The following RABL2B variants were observed in gnomAD, a reference collection of about 807,000 sequenced individuals.
The protein encoded by RABL2B is rab-like protein 2B.
RABL2B carries 17 observed loss-of-function variants against 26.7 expected under a neutral mutation model. The observed-to-expected ratio is 0.64, with a 90% CI of 0.44 to 0.95. The LOEUF (loss-of-function observed/expected upper bound fraction) is 0.95, where lower values mean the gene tolerates loss of function less well. Among genes scored for constraint, RABL2B ranks in the 40% least tolerant of loss-of-function variants. The pLI, the probability that RABL2B is intolerant of heterozygous loss-of-function variation, is 0.00. For missense variants in RABL2B, 170 were observed against 277.2 expected, an observed-to-expected ratio of 0.61 and a Z score of 2.75; for synonymous variants, 70 against 103.9, an observed-to-expected ratio of 0.67 and a Z score of 1.99.
chr22:50,769,197 G>C, intron 7 of RABL2B, 73 bp from the exon 8 acceptor site: 1 of 592,722 alleles, frequency 1.7e-6, no homozygotes, highest in Non-Finnish European at 2.9e-6. Flanking sequence ...GCCCCACTGT[G>C]AGACTACACA....
In RABL2B at chr22:50,781,704, C is replaced by T. The variant is rs550632443; in HGVS notation, c.107+484G>A. On this transcript the variant is annotated intron_variant, in intron 2 of 8. Transcript: ENST00000691320. ...GCAGCACGGCAGAGCCTCCCTTCACCTCTCCGGGTGGCACGTAGGCACCGA... is the reference window on the plus strand; with the variant it reads ...GCAGCACGGCAGAGCCTCCCTTCACTTCTCCGGGTGGCACGTAGGCACCGA... Among the ~76,000 whole-genome samples, 4 of 152,290 alleles carry T rather than the reference C, an allele frequency of 2.6e-5. No homozygotes were observed. In the East Asian group the frequency reaches 5.8e-4, roughly 22 times the overall value.
At chr22:50,780,026 T>C (rs2085557721) in intron 2 of RABL2B, among the ~76,000 whole-genome samples, 1 of 151,972 alleles carries the variant, frequency 6.6e-6, no homozygotes, top group Non-Finnish European at 1.5e-5. Context: ...TATGATCACC[T>C]GGGGTCAAAA....
intron 7 of RABL2B, 118 bp downstream of exon 7, chr22:50,769,337 C>A: frequency 4.4e-6 from 7 of 1,608,216 alleles, no homozygotes; most frequent in Non-Finnish European, 5.1e-6. Context: ...CCCTGCCACC[C>A]ATGCCCATGC....
intron 4 of RABL2B, among the ~76,000 whole-genome samples, chr22:50,776,264 T>C (rs1315457329): frequency 6.6e-6 from 1 of 152,184 alleles, no homozygotes; most frequent in Non-Finnish European, 1.5e-5. Flanking sequence ...TATGACCCGA[T>C]GGAAGGTCGC....
chr22:50,776,337 C>T (rs535696355), intron 4 of RABL2B, among the ~76,000 whole-genome samples: 2 of 152,310 alleles, frequency 1.3e-5, no homozygotes, highest in South Asian at 4.1e-4. Context: ...GAGTAACAAC[C>T]CCTGAAGCTA....
At chr22:50,777,891 C>T (rs1555925510) in intron 3 of RABL2B, 61 bp downstream of exon 3, 21 of 1,613,318 alleles carry the variant, frequency 1.3e-5, no homozygotes, top group Middle Eastern at 3.3e-4. Flanking sequence ...CAGTGGGACA[C>T]TGATACATGA....
intron 7 of RABL2B, 145 bp from the exon 8 acceptor site, chr22:50,769,269 C>G (rs2083781288): frequency 1.8e-5 from 13 of 711,304 alleles, no homozygotes; most frequent in Non-Finnish European, 3.1e-5. Context: ...TCACCCTGAC[C>G]TATGTATGGT....
At chr22:50,780,978 A>T (rs2085739502) in intron 2 of RABL2B, among the ~76,000 whole-genome samples, 1 of 152,148 alleles carries the variant, frequency 6.6e-6, no homozygotes, top group South Asian at 2.1e-4. Context: ...AACCTTCCCA[A>T]ACTACAACAC....
rs1470555667 is a variant in RABL2B at position 50,781,636 on chromosome 22, AG to A, written c.107+551del. Among the ~76,000 whole-genome samples the A allele has an allele frequency of 2.0e-5, 3 of 152,310 alleles. No individual in the cohort carries two copies. The East Asian group carries it at 5.8e-4, about 29-fold the overall frequency. On this transcript the variant is annotated intron_variant, in intron 2 of 8. Coordinates refer to ENST00000691320, the MANE Select transcript of RABL2B (RefSeq NM_001130919.3). ...GCAGAAATGGACATGTGCCCTCAGC[AG>A]TCCTAGGCGTGAGAACTAGGACGTC...
Position 50,769,501 on chromosome 22 carries a change from A to C in RABL2B, c.461T>G (p.Leu154Arg), listed in dbSNP as rs1224755922. The change falls in exon 7 of 9, where the codon CTG becomes CGG. Residue 154 changes from leucine to arginine, a missense_variant. This residue lies in a region of RABL2B where 165 missense variants were observed against 232.0 expected (regional missense o/e 0.71). Transcript: ENST00000691320. ...KSFNFAKKFS[L>R]PLYFVSAADG... is the part of the protein sequence containing the mutation. ...AGCAGCCGAGACGAAATACAGGGGC[A>C]GGGAGAACTTCTTGGCAAAATTGAA... is the stretch of plus-strand genomic sequence containing the variant. 1 of 1,612,336 alleles carries C rather than the reference A, an allele frequency of 6.2e-7. No individual in the cohort carries two copies. The highest frequency in any genetic ancestry group is 1.3e-5 in the African/African-American group (1 of 74,580).
At chr22:50,780,731 A>G (rs557141216) in intron 2 of RABL2B, 45 of 470,654 alleles carry the variant, frequency 9.6e-5, no homozygotes, top group Non-Finnish European at 1.9e-4. Flanking sequence ...GTGGAGGCCA[A>G]TGTTATGGTA....
intron 3 of RABL2B, 54 bp from the exon 4 acceptor site, chr22:50,776,803 G>A: frequency 6.4e-7 from 1 of 1,558,356 alleles, no homozygotes; most frequent in South Asian, 1.2e-5. Context: ...GGAAGGAGTG[G>A]GGAGCAGGGG....
chr22:50,779,241 C>T (rs1475580536), intron 2 of RABL2B, among the ~76,000 whole-genome samples: 1 of 151,672 alleles, frequency 6.6e-6, no homozygotes, highest in African/African-American at 2.4e-5. Context: ...AGACTCATTC[C>T]CTCCCAACAT....
In RABL2B at chr22:50,768,621, G is replaced by A. The variant is rs1253993239; in HGVS notation, c.*155C>T. On this transcript the variant is annotated 3_prime_UTR_variant, in exon 9 of 9. Coordinates refer to ENST00000691320, the MANE Select transcript of RABL2B (RefSeq NM_001130919.3). ...GTTTGCTGGTGCTGACCTCATCCCT[G>A]TATCACGGGCCTAGAATGTGGGAGG... is the stretch of plus-strand genomic sequence containing the variant. 1.6e-5 allele frequency: 23 copies of A among 1,468,226 alleles called. No homozygotes were observed. The East Asian group carries it at 5.0e-4, about 32-fold the overall frequency. 90.9% of individuals were successfully genotyped at this position (1,468,226 alleles called of 1,614,324 possible).
intron 2 of RABL2B, among the ~76,000 whole-genome samples, chr22:50,779,712 G>A (rs1231492195): frequency 2.6e-5 from 4 of 152,046 alleles, no homozygotes; most frequent in African/African-American, 9.7e-5. Flanking sequence ...GGCCGGGTGC[G>A]GTGGCTCACA....
At chr22:50,769,617 G>A (rs1461450934) in intron 6 of RABL2B, 65 bp from the exon 7 acceptor site, 8 of 1,606,410 alleles carry the variant, frequency 5.0e-6, no homozygotes, top group Admixed American at 1.7e-5. Flanking sequence ...TGGAGGGGGG[G>A]GCCACTGGAG....
chr22:50,781,331 G>A (rs540915545), intron 2 of RABL2B, among the ~76,000 whole-genome samples: 150 of 142,972 alleles, frequency 1.0e-3, no homozygotes, highest in African/African-American at 3.7e-3. Context: ...GGGACAGAGC[G>A]AGACTCCGTC....
chr22:50,769,218 C>G, intron 7 of RABL2B, 94 bp from the exon 8 acceptor site: 1 of 617,640 alleles, frequency 1.6e-6, no homozygotes, highest in African/African-American at 2.0e-5. Context: ...ATACTCCATT[C>G]CTAAAATCAG....
At chr22:50,779,107 G>T (rs2085414425) in intron 2 of RABL2B, among the ~76,000 whole-genome samples, 1 of 150,784 alleles carries the variant, frequency 6.6e-6, no homozygotes, top group East Asian at 2.0e-4. Context: ...GAAGAGGAGA[G>T]ATCCATAAAC....
Sources: allele counts gnomAD v4.1 joint callset (sites outside exome capture counted in the v4.1 genomes callset), GRCh38; gene constraint gnomAD v4.1.1; regional missense constraint gnomAD v4.1.1; transcripts MANE v1.5; gene names NCBI Gene and HGNC (gene_info 2026-07-23, HGNC 2026-07-21).